C1orf21: variants seen among roughly 807,000 people sequenced by gnomAD.
C1orf21 encodes uncharacterized protein C1orf21.
Under a neutral mutation model 18.7 loss-of-function variants are expected in C1orf21, and 3 were observed. The ratio of observed to expected loss-of-function variants is 0.16; its 90% CI spans 0.07 to 0.42. C1orf21 has a LOEUF of 0.42. C1orf21 is among the 10% of genes least tolerant of loss of function. The probability of loss-of-function intolerance (pLI) is 0.99; values close to 1 mark genes in which losing one functional copy is unlikely to be tolerated. For missense variants in C1orf21, 104 were observed against 143.6 expected, an observed-to-expected ratio of 0.72 and a Z score of 1.41; for synonymous variants, 41 against 46.4, an observed-to-expected ratio of 0.88 and a Z score of 0.47.
chr1:184,447,700 C>G (rs1211670375), intron 1 of C1orf21, among the ~76,000 whole-genome samples: 1 of 152,148 alleles, frequency 6.6e-6, no homozygotes, highest in African/African-American at 2.4e-5. Context: ...TTATTTGGTA[C>G]AATGTCTCAG....
rs1571280753 is a variant in C1orf21, at chr1:184,567,134, C to T, written c.190-23605C>T. Reference sequence around the variant, plus strand: ...ATTCCTTCCACAGTCTCCAACAGAGCCCTGCCTTCTTCATGAAGGTGGTTA... The same window carrying T: ...ATTCCTTCCACAGTCTCCAACAGAGTCCTGCCTTCTTCATGAAGGTGGTTA... On this transcript the variant is annotated intron_variant, in intron 3 of 5. Coordinates refer to ENST00000235307, the MANE Select transcript of C1orf21 (RefSeq NM_030806.4). 1.3e-5 allele frequency: 6 copies of T among 471,542 alleles called. No individual in the cohort carries two copies. The East Asian group carries it at 3.3e-4, about 26-fold the overall frequency. 29.2% of individuals were successfully genotyped at this position (471,542 alleles called of 1,614,324 possible). A position where few individuals can be genotyped will look rare whatever the true frequency, so the allele number is the denominator to read the frequency against.
chr1:184,396,988 G>A (rs538319671), intron 1 of C1orf21, among the ~76,000 whole-genome samples: 1 of 152,296 alleles, frequency 6.6e-6, no homozygotes, highest in African/African-American at 2.4e-5. Context: ...AAATGTGATA[G>A]TTGAAGCTGT....
At chr1:184,592,929 C>T (rs1238605191) in intron 4 of C1orf21, among the ~76,000 whole-genome samples, 2 of 152,244 alleles carry the variant, frequency 1.3e-5, no homozygotes, top group South Asian at 2.1e-4. Flanking sequence ...TGTAATGATG[C>T]GGCTGATGTT....
intron 3 of C1orf21, among the ~76,000 whole-genome samples, chr1:184,584,400 A>G (rs1659325456): frequency 6.6e-6 from 1 of 152,176 alleles, no homozygotes; most frequent in African/African-American, 2.4e-5. Context: ...GAATGACAGT[A>G]GTTGAAAAGA....
At chr1:184,490,828 T>A (rs1004521390) in intron 2 of C1orf21, among the ~76,000 whole-genome samples, 1 of 152,168 alleles carries the variant, frequency 6.6e-6, no homozygotes, top group Non-Finnish European at 1.5e-5. Flanking sequence ...CAGGAAGGGT[T>A]AGTAATGATT....
At chr1:184,554,955 T>A (rs185994414) in intron 3 of C1orf21, among the ~76,000 whole-genome samples, 60 of 152,334 alleles carry the variant, frequency 3.9e-4, no homozygotes, top group Middle Eastern at 3.4e-3. Context: ...CAGCCCTTTA[T>A]CCAGCTGGCT....
At chr1:184,468,038 CAAAG>C (rs1201536093) in intron 1 of C1orf21, among the ~76,000 whole-genome samples, 5 of 151,296 alleles carry the variant, frequency 3.3e-5, no homozygotes, top group Admixed American at 6.6e-5. Context: ...AACAGACAGA[CAAAG>C]AGAGATTGAG....
intron 1 of C1orf21, among the ~76,000 whole-genome samples, chr1:184,416,793 T>C (rs1046587830): frequency 6.6e-6 from 1 of 152,222 alleles, no homozygotes; most frequent in Non-Finnish European, 1.5e-5. Context: ...CGGAGGCAGC[T>C]CAGAAGGAAG....
intron 1 of C1orf21, among the ~76,000 whole-genome samples, chr1:184,415,654 T>C (rs949268244): frequency 5.9e-5 from 9 of 151,832 alleles, no homozygotes; most frequent in African/African-American, 2.2e-4. Flanking sequence ...CATCATGGAG[T>C]GAAGCTCAAT....
At chr1:184,566,241 G>C (rs1659034456) in intron 3 of C1orf21, among the ~76,000 whole-genome samples, 1 of 152,304 alleles carries the variant, frequency 6.6e-6, no homozygotes, top group African/African-American at 2.4e-5. Context: ...CCAGGGAGTA[G>C]TAGAAGTGCC....
chr1:184,527,913 T>G (rs759008874), intron 3 of C1orf21, among the ~76,000 whole-genome samples: 1 of 152,202 alleles, frequency 6.6e-6, no homozygotes, highest in Non-Finnish European at 1.5e-5. Flanking sequence ...TATTTACAGT[T>G]TTATCCCATG....
chr1:184,463,082 CAA>C (rs397982231), intron 1 of C1orf21, among the ~76,000 whole-genome samples: 61 of 80,286 alleles, frequency 7.6e-4, no homozygotes, highest in South Asian at 1.4e-3. Context: ...GACTCCATCT[CAA>C]AAAAAAAAAA....
chr1:184,427,343 A>G (rs1185842792), intron 1 of C1orf21, among the ~76,000 whole-genome samples: 3 of 152,140 alleles, frequency 2.0e-5, no homozygotes, highest in Non-Finnish European at 4.4e-5. Context: ...AAAATCTGAC[A>G]TGTCTCTGTT....
At chr1:184,494,529 A>G (rs1314664034) in intron 2 of C1orf21, among the ~76,000 whole-genome samples, 3 of 152,144 alleles carry the variant, frequency 2.0e-5, no homozygotes, top group African/African-American at 4.8e-5. Flanking sequence ...GGAGGTATGA[A>G]TGGAGATAAT....
intron 2 of C1orf21, among the ~76,000 whole-genome samples, chr1:184,503,209 T>G (rs1176924754): frequency 2.6e-5 from 4 of 152,068 alleles, no homozygotes; most frequent in Non-Finnish European, 5.9e-5. Context: ...CCAAAGCTTC[T>G]TGTTAGGAAG....
At chr1:184,563,007 T>A (rs1287598653) in intron 3 of C1orf21, among the ~76,000 whole-genome samples, 1 of 152,230 alleles carries the variant, frequency 6.6e-6, no homozygotes, top group African/African-American at 2.4e-5. Flanking sequence ...TTTCTAACCT[T>A]CCTAGTCCTG....
chr1:184,387,700 A>G lies in C1orf21; in HGVS notation c.-125+332A>G, dbSNP rs1655909384. On this transcript the variant is annotated intron_variant, in intron 1 of 5. Coordinates refer to ENST00000235307, the MANE Select transcript of C1orf21 (RefSeq NM_030806.4). The surrounding 1 kb of genome is among the most constrained non-coding windows in gnomAD (Gnocchi z 5.6). ...TCGAGGCCTGGGTGGCTGGTGTTAG[A>G]CACCCCTCCCTTCCCACCCGCACCC... Among the ~76,000 whole-genome samples, 1 of 151,948 alleles carries G rather than the reference A, an allele frequency of 6.6e-6. No homozygotes were observed.
intron 4 of C1orf21, among the ~76,000 whole-genome samples, chr1:184,592,008 C>T (rs1399893385): frequency 2.6e-5 from 4 of 151,954 alleles, no homozygotes; most frequent in African/African-American, 9.7e-5. Flanking sequence ...ACAGACAGAA[C>T]TAAGGCATAT....
chr1:184,511,764 T>A (rs899440850), intron 3 of C1orf21, among the ~76,000 whole-genome samples: 10 of 152,094 alleles, frequency 6.6e-5, no homozygotes, highest in Non-Finnish European at 1.0e-4. Flanking sequence ...CTTACAATCA[T>A]GGTAGAAGGG....
Sources: gnomAD v4.1 joint callset for allele counts (sites outside exome capture counted in the v4.1 genomes callset) on GRCh38, gnomAD v4.1.1 for gene constraint, Gnocchi (gnomAD v3.1) non-coding constraint, MANE v1.5 for transcripts, NCBI Gene and HGNC (gene_info 2026-07-23, HGNC 2026-07-21) for gene names.